WDR7: variants seen among roughly 807,000 people sequenced by gnomAD.
WDR7 encodes WD repeat domain 7.
In WDR7, 46 loss-of-function variants were observed where a neutral mutation model predicts 169.4. That is an observed-to-expected ratio of 0.27 (90% CI 0.21 to 0.35). WDR7 has a LOEUF of 0.35. WDR7 is among the 10% of genes least tolerant of loss of function. The probability of loss-of-function intolerance (pLI) is 1.00; values close to 1 mark genes in which losing one functional copy is unlikely to be tolerated. For synonymous variants in WDR7, 612 were observed against 666.8 expected (o/e 0.92, Z 1.27); for missense variants, 1,534 against 1,859.3 (o/e 0.83, Z 3.22).
intron 14 of WDR7, among the ~76,000 whole-genome samples, chr18:56,754,412 TACAC>T (rs1012495171): frequency 1.6e-5 from 2 of 126,474 alleles, no homozygotes; most frequent in African/African-American, 3.2e-5. Context: ...TACACATATA[TACAC>T]ACACAAATAT....
Position 56,672,683 on chromosome 18 carries a change from G to T in WDR7, c.159+9G>T. 6.2e-7 allele frequency: 1 copy of T among 1,600,858 alleles called. No individual in the cohort carries two copies. Among genetic ancestry groups the T allele is most frequent in the Non-Finnish European group, 8.5e-7 (1 of 1,174,272 alleles). ...TTTCAGTAGAACTGCAAGTGAGTAT[G>T]TGAAATGCCTATTATACATTTTAGA... On this transcript the variant is annotated intron_variant, in intron 2 of 27. Coordinates refer to ENST00000254442, the MANE Select transcript of WDR7 (RefSeq NM_015285.3).
intron 26 of WDR7, among the ~76,000 whole-genome samples, chr18:57,001,625 A>G (rs1431739221): frequency 6.6e-6 from 1 of 152,186 alleles, no homozygotes; most frequent in African/African-American, 2.4e-5. Flanking sequence ...AATGTATACA[A>G]CCATGTGACC....
chr18:56,910,818 T>C (rs1304747725), intron 21 of WDR7, among the ~76,000 whole-genome samples: 1 of 152,242 alleles, frequency 6.6e-6, no homozygotes, highest in Non-Finnish European at 1.5e-5. Context: ...TATTATAGTA[T>C]CTTGTGCTTT....
At chr18:56,974,916 G>C (rs1245208784) in intron 26 of WDR7, among the ~76,000 whole-genome samples, 1 of 152,170 alleles carries the variant, frequency 6.6e-6, no homozygotes, top group Admixed American at 6.5e-5. Flanking sequence ...TCCTGTGGAG[G>C]GGAGAAGAAC....
chr18:56,881,793 C>T (rs987816057), intron 21 of WDR7, among the ~76,000 whole-genome samples: 5 of 152,124 alleles, frequency 3.3e-5, no homozygotes, highest in Admixed American at 1.3e-4. Context: ...CCCATGTTGG[C>T]CAGGCTGGCC....
chr18:56,696,161 A>T, intron 11 of WDR7, 81 bp from the exon 12 acceptor site: 13 of 1,178,828 alleles, frequency 1.1e-5, no homozygotes, highest in Non-Finnish European at 1.5e-5. Flanking sequence ...TAGCTATTCT[A>T]AACATTCATG....
chr18:56,756,241 A>G (rs982573357), intron 14 of WDR7, among the ~76,000 whole-genome samples: 7 of 152,182 alleles, frequency 4.6e-5, no homozygotes, highest in African/African-American at 9.6e-5. Flanking sequence ...ACAGTAGTTT[A>G]TTTTCAGAGA....
intron 20 of WDR7, among the ~76,000 whole-genome samples, chr18:56,865,983 A>G (rs2045877872): frequency 6.6e-6 from 1 of 152,176 alleles, no homozygotes; most frequent in Admixed American, 6.6e-5. Flanking sequence ...AAAACTATAC[A>G]AGATTTGAAG....
rs1159226072 is a variant in WDR7 at position 57,028,609 on chromosome 18, G to T, written c.*1402G>T. On this transcript the variant is annotated 3_prime_UTR_variant, in exon 28 of 28. Transcript: ENST00000254442. ...GTGAAGTTTACAAAGGAACCAAAAT[G>T]ATAATGGGAGAATTTAGTCTTAAAA... The T allele has an allele frequency of 2.6e-5, 4 of 152,158 alleles. No individual in the cohort carries two copies. Among genetic ancestry groups the T allele is most frequent in the African/African-American group, 9.7e-5 (4 of 41,448 alleles). 9.4% of individuals were successfully genotyped at this position (152,158 alleles called of 1,614,324 possible).
intron 21 of WDR7, among the ~76,000 whole-genome samples, chr18:56,880,860 T>C (rs570073828): frequency 2.0e-5 from 3 of 152,318 alleles, no homozygotes; most frequent in African/African-American, 7.2e-5. Flanking sequence ...TAAGCTCTTT[T>C]GGTTCTTCAG....
At chr18:56,994,017 T>TTTTTTTTTTTTTTC in intron 26 of WDR7, among the ~76,000 whole-genome samples, 1 of 26,176 alleles carries the variant, frequency 3.8e-5, no homozygotes, top group Non-Finnish European at 9.5e-5. Context: ...TTTTTTTTTC[T>TTTTTTTTTTTTTTC]TTTTTTTTTT....
At chr18:56,943,988 T>TTG (rs2047067151) in intron 25 of WDR7, among the ~76,000 whole-genome samples, 1 of 131,530 alleles carries the variant, frequency 7.6e-6, no homozygotes, top group African/African-American at 3.0e-5. Context: ...GTGGGTTTTT[T>TTG]TTTTTTTTTT....
Position 56,696,312 on chromosome 18 carries a change from C to G in WDR7, c.1428C>G (p.Val476=), listed in dbSNP as rs1449868229. The G allele has an allele frequency of 6.2e-7, 1 of 1,614,150 alleles. No individual in the cohort carries two copies. The highest frequency in any genetic ancestry group is 8.5e-7 in the Non-Finnish European group (1 of 1,180,020). The change falls in exon 12 of 28, where the codon GTC becomes GTG. Residue 476 remains valine, a synonymous_variant. Transcript: ENST00000254442. The part of the protein sequence containing the change: ...KVTCLLYPHQ[V]SARYDQRYLI... ...CATGTTTGCTATATCCTCATCAGGT[C>G]TCAGCTCGGTATGATCAAAGATACC...
intron 21 of WDR7, among the ~76,000 whole-genome samples, chr18:56,910,810 T>G (rs1198051850): frequency 6.6e-6 from 1 of 152,240 alleles, no homozygotes; most frequent in East Asian, 1.9e-4. Context: ...GGAATTCATA[T>G]TATAGTATCT....
At chr18:56,843,135 G>A (rs1041515325) in intron 20 of WDR7, among the ~76,000 whole-genome samples, 2 of 152,148 alleles carry the variant, frequency 1.3e-5, no homozygotes, top group African/African-American at 4.8e-5. Flanking sequence ...ATCCATTAAT[G>A]ATGTTAATTA....
intron 21 of WDR7, among the ~76,000 whole-genome samples, chr18:56,912,039 A>T (rs986673723): frequency 6.6e-6 from 1 of 152,242 alleles, no homozygotes; most frequent in African/African-American, 2.4e-5. Context: ...ACACCATCAG[A>T]ACCCTGGAAT....
intron 25 of WDR7, among the ~76,000 whole-genome samples, chr18:56,946,372 G>A (rs1038106406): frequency 2.6e-5 from 4 of 152,170 alleles, no homozygotes; most frequent in African/African-American, 7.2e-5. Flanking sequence ...TCCCTTCTAC[G>A]AAGACTCAAT....
intron 13 of WDR7, among the ~76,000 whole-genome samples, chr18:56,723,190 A>G (rs1481844843): frequency 1.3e-5 from 2 of 149,814 alleles, no homozygotes; most frequent in East Asian, 3.9e-4. Context: ...CACTTGGAAC[A>G]TTGCTTTTTT....
At chr18:56,788,263 C>G (rs1001123312) in intron 19 of WDR7, among the ~76,000 whole-genome samples, 16 of 152,120 alleles carry the variant, frequency 1.1e-4, no homozygotes, top group Non-Finnish European at 1.9e-4. Context: ...GAATATACTT[C>G]TTTATTTGAA....
Sources: allele counts gnomAD v4.1 joint callset (sites outside exome capture counted in the v4.1 genomes callset), GRCh38; gene constraint gnomAD v4.1.1; transcripts MANE v1.5; gene names NCBI Gene and HGNC (gene_info 2026-07-23, HGNC 2026-07-21).